The following SUPT3H variants were observed in gnomAD, a reference collection of about 807,000 sequenced individuals.
The protein encoded by SUPT3H is SPT3 homolog, SAGA and STAGA complex component, also known as transcription initiation protein SPT3 homolog.
In SUPT3H, 44 loss-of-function variants were observed where a neutral mutation model predicts 44.3. The ratio of observed to expected loss-of-function variants is 0.99; its 90% CI spans 0.78 to 1.28. SUPT3H has a LOEUF of 1.28. Among genes scored for constraint, SUPT3H ranks in the 50% most tolerant of loss-of-function variants. SUPT3H has a pLI of 0.00. For synonymous variants in SUPT3H, 124 were observed against 125.6 expected (o/e 0.99, Z 0.09); for missense variants, 380 against 387.1 (o/e 0.98, Z 0.15).
At chr6:45,341,702 T>C (rs1458334718) in intron 2 of SUPT3H, among the ~76,000 whole-genome samples, 1 of 152,120 alleles carries the variant, frequency 6.6e-6, no homozygotes, top group East Asian at 1.9e-4. Context: ...GAATAACAGA[T>C]AGTTAAAAGT....
chr6:44,817,973 G>A (rs1001203516), intron 11 of SUPT3H, among the ~76,000 whole-genome samples: 10 of 152,046 alleles, frequency 6.6e-5, no homozygotes, highest in African/African-American at 2.4e-4. Flanking sequence ...GTAGAAATAT[G>A]AAAAAGCAAA....
At chr6:45,242,294 G>A (rs1770504637) in intron 2 of SUPT3H, among the ~76,000 whole-genome samples, 1 of 152,204 alleles carries the variant, frequency 6.6e-6, no homozygotes, top group Non-Finnish European at 1.5e-5. Flanking sequence ...AAGAGACAGA[G>A]ACAACAACTT....
chr6:45,213,638 C>T (rs969000813), intron 2 of SUPT3H, among the ~76,000 whole-genome samples: 15 of 152,124 alleles, frequency 9.9e-5, no homozygotes, highest in African/African-American at 3.6e-4. Context: ...TCTGCTGAAA[C>T]AGTAAGCAAA....
At chr6:44,949,510 T>C (rs1773934996) in intron 9 of SUPT3H, among the ~76,000 whole-genome samples, 1 of 151,040 alleles carries the variant, frequency 6.6e-6, no homozygotes, top group Non-Finnish European at 1.5e-5. Context: ...GCTAACAAAC[T>C]GAGAGAAAAA....
chr6:45,019,344 T>C (rs1423395600), intron 4 of SUPT3H, among the ~76,000 whole-genome samples: 2 of 152,024 alleles, frequency 1.3e-5, no homozygotes, highest in Admixed American at 6.6e-5. Flanking sequence ...GTGTGTCTAT[T>C]TCCTTCAGTT....
At chr6:45,096,597 G>A (rs1797817726) in intron 3 of SUPT3H, among the ~76,000 whole-genome samples, 1 of 151,636 alleles carries the variant, frequency 6.6e-6, no homozygotes, top group Non-Finnish European at 1.5e-5. Flanking sequence ...GGGAACAACA[G>A]GTCAAAGAAA....
intron 10 of SUPT3H, among the ~76,000 whole-genome samples, chr6:44,916,763 G>T (rs552543309): frequency 6.6e-6 from 1 of 152,188 alleles, no homozygotes; most frequent in Non-Finnish European, 1.5e-5. Context: ...TTTAAATACT[G>T]CATTTCTTTA....
In SUPT3H at chr6:45,317,227, C is replaced by CAAAAAAAA. The variant is rs70996324; in HGVS notation, c.101+47966_101+47973dup. Among the ~76,000 whole-genome samples, 14 of 36,090 alleles carry CAAAAAAAA rather than the reference C, an allele frequency of 3.9e-4. 1 individual carries two copies. Among genetic ancestry groups the CAAAAAAAA allele is most frequent in the East Asian group, 1.8e-3 (2 of 1,114 alleles). 23.7% of individuals were successfully genotyped at this position (36,090 alleles called of 152,430 possible). ...TGGGTAACAGAGGAAGACTCTGTCT[C>CAAAAAAAA]AAAAAAAAAAAAAAAAAAAAAAAAA... On this transcript the variant is annotated intron_variant, in intron 2 of 10. Transcript: ENST00000371459.
intron 10 of SUPT3H, among the ~76,000 whole-genome samples, chr6:44,889,892 C>T (rs1425757634): frequency 6.6e-6 from 1 of 152,004 alleles, no homozygotes; most frequent in African/African-American, 2.4e-5. Flanking sequence ...CCAGAATCTA[C>T]AATGAACTCC....
intron 2 of SUPT3H, among the ~76,000 whole-genome samples, chr6:45,134,543 C>T (rs1274872831): frequency 6.6e-6 from 1 of 152,156 alleles, no homozygotes; most frequent in African/African-American, 2.4e-5. Flanking sequence ...ATGGGTGAGA[C>T]TCAAGGCATG....
At chr6:44,862,729 T>C (rs1361249379) in intron 10 of SUPT3H, among the ~76,000 whole-genome samples, 1 of 151,398 alleles carries the variant, frequency 6.6e-6, no homozygotes, top group East Asian at 1.9e-4. Context: ...TAGAATTCTA[T>C]AGTTTCTCTT....
At chr6:45,319,386 G>A (rs1341220035) in intron 2 of SUPT3H, among the ~76,000 whole-genome samples, 1 of 152,024 alleles carries the variant, frequency 6.6e-6, no homozygotes, top group East Asian at 1.9e-4. Context: ...AATTACTTGA[G>A]ACATATTCTT....
intron 2 of SUPT3H, among the ~76,000 whole-genome samples, chr6:45,209,759 T>A (rs1763785625): frequency 6.6e-6 from 1 of 152,228 alleles, no homozygotes; most frequent in East Asian, 1.9e-4. Context: ...TGAGAGAAGT[T>A]CTGCTGTGGG....
At chr6:45,255,198 G>A (rs1414724381) in intron 2 of SUPT3H, among the ~76,000 whole-genome samples, 2 of 151,972 alleles carry the variant, frequency 1.3e-5, no homozygotes, top group Admixed American at 6.6e-5. Flanking sequence ...GAGAGAGTTT[G>A]GTAGTATTTG....
intron 3 of SUPT3H, among the ~76,000 whole-genome samples, chr6:45,023,324 G>C (rs1402562777): frequency 6.6e-6 from 1 of 151,822 alleles, no homozygotes; most frequent in Non-Finnish European, 1.5e-5. Flanking sequence ...CTTATACACT[G>C]TTAATGGGAG....
chr6:45,246,700 T>G (rs181283738), intron 2 of SUPT3H, among the ~76,000 whole-genome samples: 1 of 152,254 alleles, frequency 6.6e-6, no homozygotes, highest in Admixed American at 6.5e-5. Context: ...ATCCCCCAAG[T>G]AATCAGAAAT....
intron 2 of SUPT3H, among the ~76,000 whole-genome samples, chr6:45,167,635 T>G (rs1810104534): frequency 1.3e-5 from 2 of 151,642 alleles, no homozygotes; most frequent in African/African-American, 4.9e-5. Flanking sequence ...AATGAAAACT[T>G]CTAGGACACA....
chr6:44,861,599 C>A (rs1774682064), intron 10 of SUPT3H, among the ~76,000 whole-genome samples: 1 of 152,086 alleles, frequency 6.6e-6, no homozygotes, highest in Non-Finnish European at 1.5e-5. Context: ...GTTGGTCAGG[C>A]TGGTCTTCAA....
At chr6:44,894,002 T>G (rs1207982055) in intron 10 of SUPT3H, among the ~76,000 whole-genome samples, 1 of 138,186 alleles carries the variant, frequency 7.2e-6, no homozygotes, top group African/African-American at 2.6e-5. Context: ...ATGTGTTTTT[T>G]GGCTGCATAA....
Sources: allele counts gnomAD v4.1 joint callset (sites outside exome capture counted in the v4.1 genomes callset), GRCh38; gene constraint gnomAD v4.1.1; transcripts MANE v1.5; gene names NCBI Gene and HGNC (gene_info 2026-07-23, HGNC 2026-07-21).